The following KLHL29 variants were observed in gnomAD, a reference collection of about 807,000 sequenced individuals.
KLHL29 encodes kelch-like protein 29.
Under a neutral mutation model 80.4 loss-of-function variants are expected in KLHL29, and 21 were observed. The observed-to-expected ratio is 0.26, with a 90% CI of 0.19 to 0.38. KLHL29 has a LOEUF of 0.38. KLHL29 is among the 10% of genes least tolerant of loss of function. KLHL29 has a pLI of 1.00. For synonymous variants in KLHL29, 511 were observed against 526.8 expected, an observed-to-expected ratio of 0.97 and a Z score of 0.41; for missense variants, 867 against 1,223.9, an observed-to-expected ratio of 0.71 and a Z score of 4.35.
At chr2:23,678,046 C>T (rs995241281) in intron 5 of KLHL29, among the ~76,000 whole-genome samples, 2 of 152,214 alleles carry the variant, frequency 1.3e-5, no homozygotes, top group Non-Finnish European at 1.5e-5. Flanking sequence ...TTTGACATCT[C>T]TTCCTCTTTA....
chr2:23,481,004 A>G (rs185662647), intron 2 of KLHL29, among the ~76,000 whole-genome samples: 1 of 152,296 alleles, frequency 6.6e-6, no homozygotes, highest in East Asian at 1.9e-4. Context: ...GGACCCACAA[A>G]TCATGTTGTA....
chr2:23,572,856 G>A (rs527578866), intron 3 of KLHL29, among the ~76,000 whole-genome samples: 213 of 152,274 alleles, frequency 1.4e-3, no homozygotes, highest in Non-Finnish European at 1.5e-3. Context: ...ACCCGCCTCC[G>A]CGCCTGGCTA....
At chr2:23,572,846 A>G (rs111925997) in intron 3 of KLHL29, among the ~76,000 whole-genome samples, 3,393 of 152,114 alleles carry the variant, frequency 0.022, 143 homozygotes, top group African/African-American at 0.077. Flanking sequence ...GACTACAGGC[A>G]CCCGCCTCCG....
intron 1 of KLHL29, among the ~76,000 whole-genome samples, chr2:23,408,919 A>G (rs1439070375): frequency 2.0e-5 from 3 of 152,184 alleles, no homozygotes; most frequent in Admixed American, 6.5e-5. Context: ...CCCTGAAGCA[A>G]CAGACAACCA....
rs1429019385 is a variant in KLHL29 at position 23,708,147 on chromosome 2, C to T, written c.*1483C>T. The T allele has an allele frequency of 6.6e-6, 1 of 152,224 alleles. No homozygotes were observed. Among genetic ancestry groups the T allele is most frequent in the Admixed American group, 6.5e-5 (1 of 15,282 alleles). 9.4% of individuals were successfully genotyped at this position (152,224 alleles called of 1,614,324 possible). Reference sequence around the variant, plus strand: ...CTTTCCATCGTTCAGTATTTGATGACACAAAATTCCAGTTCTAACGTTGGG... The same window carrying T: ...CTTTCCATCGTTCAGTATTTGATGATACAAAATTCCAGTTCTAACGTTGGG... On this transcript the variant is annotated 3_prime_UTR_variant, in exon 14 of 14. Coordinates refer to ENST00000486442, the MANE Select transcript of KLHL29 (RefSeq NM_052920.2).
intron 2 of KLHL29, among the ~76,000 whole-genome samples, chr2:23,523,123 G>C (rs1558371712): frequency 6.6e-6 from 1 of 152,206 alleles, no homozygotes; most frequent in East Asian, 1.9e-4. Flanking sequence ...ACTTCCACTG[G>C]TTTCTTTACC....
At chr2:23,532,284 A>C (rs1666513668) in intron 2 of KLHL29, among the ~76,000 whole-genome samples, 1 of 152,200 alleles carries the variant, frequency 6.6e-6, no homozygotes, top group African/African-American at 2.4e-5. Context: ...TTTAAAAACA[A>C]ATTTAAAACT....
intron 2 of KLHL29, among the ~76,000 whole-genome samples, chr2:23,524,856 G>C (rs1666250465): frequency 6.6e-6 from 1 of 152,220 alleles, no homozygotes; most frequent in Non-Finnish European, 1.5e-5. Context: ...GAATTGGAAG[G>C]CATTTTCCAT....
chr2:23,662,566 G>A (rs75564452), intron 5 of KLHL29, among the ~76,000 whole-genome samples: 3,365 of 152,216 alleles, frequency 0.022, 147 homozygotes, highest in African/African-American at 0.077. Flanking sequence ...CCTGGTGGGC[G>A]CTTCTGGCCT....
At chr2:23,612,425 T>A (rs941288473) in intron 3 of KLHL29, among the ~76,000 whole-genome samples, 1 of 152,178 alleles carries the variant, frequency 6.6e-6, no homozygotes, top group East Asian at 1.9e-4. Flanking sequence ...TTTAAAAAGT[T>A]CAGACAAACA....
chr2:23,594,772 A>C (rs1668355847), intron 3 of KLHL29, among the ~76,000 whole-genome samples: 1 of 152,208 alleles, frequency 6.6e-6, no homozygotes, highest in Non-Finnish European at 1.5e-5. Flanking sequence ...TGCTGCTCCC[A>C]TTCTACATCA....
rs541140744 is a variant in KLHL29, at chr2:23,416,530, G to A, written c.-154+30750G>A. On this transcript the variant is annotated intron_variant, in intron 1 of 13. Transcript: ENST00000486442. ...CAAATGTAAGAGATGCTATGTGGTG[G>A]TGCAGTCTTGGGCTGGAGGGACTCA... Among the ~76,000 whole-genome samples the A allele has an allele frequency of 2.2e-4, 34 of 152,318 alleles. 1 individual carries two copies. In the South Asian group the frequency reaches 6.6e-3, roughly 30 times the overall value.
At position 23,652,006 on chromosome 2, in the gene KLHL29, G is replaced by A. The variant is rs114682656; in HGVS notation, c.940+9156G>A. ...ATTAGGGCTTCAACACAGGAATTTG[G>A]GGTAGGAGGGGACACATTTCAGTCC... On this transcript the variant is annotated intron_variant, in intron 5 of 13. Transcript: ENST00000486442. Among the ~76,000 whole-genome samples the A allele has an allele frequency of 4.5e-3, 681 of 152,248 alleles. 2 individuals carry two copies. The highest frequency in any genetic ancestry group is 0.016 in the African/African-American group (646 of 41,544).
intron 3 of KLHL29, among the ~76,000 whole-genome samples, chr2:23,630,477 G>GT (rs924944064): frequency 1.2e-3 from 184 of 152,008 alleles, no homozygotes; most frequent in African/African-American, 3.5e-3. Flanking sequence ...CATGCCCTGA[G>GT]TTTTTTTTGT....
At chr2:23,594,017 C>T (rs1051675479) in intron 3 of KLHL29, among the ~76,000 whole-genome samples, 7 of 151,186 alleles carry the variant, frequency 4.6e-5, no homozygotes, top group African/African-American at 1.7e-4. Context: ...GCCTATCAAA[C>T]AGGAATAACC....
chr2:23,402,876 A>G (rs142746013), intron 1 of KLHL29, among the ~76,000 whole-genome samples: 312 of 151,572 alleles, frequency 2.1e-3, no homozygotes, highest in African/African-American at 7.3e-3. Flanking sequence ...ATATGTACAT[A>G]TACATATGTA....
chr2:23,599,082 G>T lies in KLHL29; in HGVS notation c.285+36601G>T, dbSNP rs561349501. On this transcript the variant is annotated intron_variant, in intron 3 of 13. Transcript: ENST00000486442. ...TTACTTAAGCAGCTACTTTGGAGCA[G>T]ACAGGGGCAAGAGAAATAGAGAATG... Among the ~76,000 whole-genome samples the T allele has an allele frequency of 5.3e-5, 8 of 152,348 alleles. No homozygotes were observed. The East Asian group carries it at 1.5e-3, about 29-fold the overall frequency.
At position 23,562,083 on chromosome 2, in the gene KLHL29, A is replaced by G. The variant is rs1019289737; in HGVS notation, c.-45-69A>G. ...TTATTGAACCCAGAGAAGGGGCTTC[A>G]TGGATGCTGTCAGTTGTCGCTGCCT... On this transcript the variant is annotated intron_variant, in intron 2 of 13. Transcript: ENST00000486442. This position sits in a 1 kb window ranked among gnomAD's most constrained non-coding sequence, Gnocchi z 4.5. 2 of 1,239,372 alleles carry G rather than the reference A, an allele frequency of 1.6e-6. No individual in the cohort carries two copies. The highest frequency in any genetic ancestry group is 1.1e-6 in the Non-Finnish European group (1 of 888,168). 76.8% of individuals were successfully genotyped at this position (1,239,372 alleles called of 1,614,324 possible).
At chr2:23,665,020 G>A (rs111981390) in intron 5 of KLHL29, among the ~76,000 whole-genome samples, 1 of 152,246 alleles carries the variant, frequency 6.6e-6, no homozygotes, top group Non-Finnish European at 1.5e-5. Context: ...TGCTCTCCAC[G>A]GCCTGGGCCT....
Sources: allele counts gnomAD v4.1 joint callset (sites outside exome capture counted in the v4.1 genomes callset), GRCh38; gene constraint gnomAD v4.1.1; non-coding constraint Gnocchi (gnomAD v3.1); transcripts MANE v1.5; gene names NCBI Gene and HGNC (gene_info 2026-07-23, HGNC 2026-07-21).